Variants in ANXA4 observed in about 807,000 individuals in gnomAD.
ANXA4 encodes the protein annexin A4.
ANXA4 carries 39 observed loss-of-function variants against 49.8 expected under a neutral mutation model. The observed-to-expected ratio is 0.78, with a 90% CI of 0.61 to 1.02. The LOEUF is 1.02. Ranked by LOEUF, ANXA4 falls within the 50% of genes least tolerant of loss-of-function variation. ANXA4 has a pLI of 0.00. For synonymous variants in ANXA4, 134 were observed against 152.5 expected (o/e 0.88, Z 0.89); for missense variants, 360 against 410.1 (o/e 0.88, Z 1.05).
intron 3 of ANXA4, among the ~76,000 whole-genome samples, chr2:69,736,211 T>C (rs1670240443): frequency 6.6e-6 from 1 of 152,134 alleles, no homozygotes; most frequent in Admixed American, 6.6e-5. Context: ...AGATGCCACC[T>C]CTTGATTGAG....
chr2:69,662,624 C>A (rs1676763250), intron 2 of ANXA4, among the ~76,000 whole-genome samples: 1 of 152,112 alleles, frequency 6.6e-6, no homozygotes, highest in South Asian at 2.1e-4. Flanking sequence ...TCAAACTCAC[C>A]AGGATGGAGA....
intron 2 of ANXA4, among the ~76,000 whole-genome samples, chr2:69,692,889 A>G (rs1210611077): frequency 6.6e-6 from 1 of 152,144 alleles, no homozygotes; most frequent in Non-Finnish European, 1.5e-5. Context: ...ATATTGAATT[A>G]TGTTCAGAAT....
intron 3 of ANXA4, among the ~76,000 whole-genome samples, chr2:69,798,284 G>A (rs928552546): frequency 2.6e-5 from 4 of 152,190 alleles, no homozygotes; most frequent in African/African-American, 4.8e-5. Flanking sequence ...TGGTTACTAC[G>A]GTGGTTGCTA....
intron 1 of ANXA4, among the ~76,000 whole-genome samples, chr2:69,754,914 A>G (rs1351314850): frequency 6.6e-6 from 1 of 152,150 alleles, no homozygotes; most frequent in Non-Finnish European, 1.5e-5. Context: ...GGAAGTGAGA[A>G]GGTAGAGTGA....
chr2:69,701,559 TA>T, intron 2 of ANXA4, among the ~76,000 whole-genome samples: 1 of 152,366 alleles, frequency 6.6e-6, no homozygotes, highest in Non-Finnish European at 1.5e-5. Context: ...TAAGGCTGAA[TA>T]GTATTATATT....
At chr2:69,800,575 G>A (rs1673148299) in intron 3 of ANXA4, among the ~76,000 whole-genome samples, 1 of 152,200 alleles carries the variant, frequency 6.6e-6, no homozygotes, top group Non-Finnish European at 1.5e-5. Context: ...ATCCCACTGG[G>A]GTTCAAAGAG....
At chr2:69,777,045 A>G (rs1339699307) in intron 1 of ANXA4, among the ~76,000 whole-genome samples, 2 of 152,206 alleles carry the variant, frequency 1.3e-5, no homozygotes, top group African/African-American at 4.8e-5. Flanking sequence ...CTGGATTATC[A>G]GTTTATGATA....
intron 2 of ANXA4, among the ~76,000 whole-genome samples, chr2:69,787,003 G>C (rs746712823): frequency 2.4e-4 from 36 of 152,134 alleles, no homozygotes; most frequent in Non-Finnish European, 4.7e-4. Context: ...GGGATTACTG[G>C]GGTGAGCCAC....
intron 2 of ANXA4, among the ~76,000 whole-genome samples, chr2:69,698,407 T>C (rs1678225041): frequency 6.6e-6 from 1 of 152,134 alleles, no homozygotes; most frequent in Non-Finnish European, 1.5e-5. Flanking sequence ...GCCCTTCAAC[T>C]CCCTCCATTT....
At chr2:69,810,510 T>C in intron 6 of ANXA4, 84 bp from the exon 7 acceptor site, 1 of 1,162,608 alleles carries the variant, frequency 8.6e-7, no homozygotes. Flanking sequence ...AGGCTGGTCT[T>C]GAGGGGACAG....
At chr2:69,714,609 C>T (rs1678812874) in intron 2 of ANXA4, among the ~76,000 whole-genome samples, 1 of 152,192 alleles carries the variant, frequency 6.6e-6, no homozygotes, top group South Asian at 2.1e-4. Flanking sequence ...TGTGTTGTCC[C>T]CACAGCTCCT....
chr2:69,754,771 A>G (rs1242593345), intron 1 of ANXA4, among the ~76,000 whole-genome samples: 1 of 152,224 alleles, frequency 6.6e-6, no homozygotes, highest in Non-Finnish European at 1.5e-5. Flanking sequence ...TACCACACAC[A>G]TCCTATCCTT....
intron 2 of ANXA4, among the ~76,000 whole-genome samples, chr2:69,706,829 C>T (rs1355916429): frequency 1.3e-5 from 2 of 152,154 alleles, no homozygotes; most frequent in African/African-American, 4.8e-5. Flanking sequence ...TAAATCATTA[C>T]TTGTTATGGC....
chr2:69,727,208 G>A (rs531096285), intron 3 of ANXA4, among the ~76,000 whole-genome samples: 2 of 152,134 alleles, frequency 1.3e-5, no homozygotes, highest in African/African-American at 2.4e-5. Context: ...AAATTATTTC[G>A]GTTATTAGTT....
chr2:69,747,876 G>A (rs1488633694), intron 1 of ANXA4, among the ~76,000 whole-genome samples: 1 of 151,880 alleles, frequency 6.6e-6, no homozygotes, highest in Non-Finnish European at 1.5e-5. Flanking sequence ...TGCATAGATA[G>A]GGTCTTACTA....
chr2:69,730,957 C>G (rs1328086610), intron 3 of ANXA4, among the ~76,000 whole-genome samples: 1 of 152,184 alleles, frequency 6.6e-6, no homozygotes, highest in Non-Finnish European at 1.5e-5. Flanking sequence ...TATGTCTCCA[C>G]CAACAGTTCC....
chr2:69,819,491 G>A (rs979799748), intron 11 of ANXA4, among the ~76,000 whole-genome samples, 153 bp downstream of exon 11: 1 of 151,984 alleles, frequency 6.6e-6, no homozygotes, highest in Non-Finnish European at 1.5e-5. Context: ...AATAATACTA[G>A]GTGATATTTA....
intron 1 of ANXA4, among the ~76,000 whole-genome samples, chr2:69,648,883 C>CTTTTT (rs199698315): frequency 3.7e-4 from 39 of 105,758 alleles, no homozygotes; most frequent in Middle Eastern, 4.6e-3. Context: ...TTCTTTCTTT[C>CTTTTT]TTTTCTTTTT....
At chr2:69,715,850 C>G (rs1678864895) in intron 2 of ANXA4, among the ~76,000 whole-genome samples, 1 of 152,214 alleles carries the variant, frequency 6.6e-6, no homozygotes, top group Admixed American at 6.5e-5. Context: ...CAGACTCCCT[C>G]TTTTATCTGG....
Sources: allele counts gnomAD v4.1 joint callset (sites outside exome capture counted in the v4.1 genomes callset), GRCh38; gene constraint gnomAD v4.1.1; transcripts MANE v1.5; gene names NCBI Gene and HGNC (gene_info 2026-07-23, HGNC 2026-07-21).